PTPRE: variants seen among roughly 807,000 people sequenced by gnomAD.
PTPRE encodes protein tyrosine phosphatase receptor type E.
PTPRE carries 51 observed loss-of-function variants against 102.0 expected under a neutral mutation model. The ratio of observed to expected loss-of-function variants is 0.50; its 90% CI spans 0.40 to 0.63. The LOEUF (loss-of-function observed/expected upper bound fraction) is 0.63. Among genes scored for constraint, PTPRE ranks in the 30% least tolerant of loss-of-function variants. The pLI is 0.00. For missense variants in PTPRE, 752 were observed against 915.1 expected, an observed-to-expected ratio of 0.82 and a Z score of 2.30; for synonymous variants, 345 against 348.2, an observed-to-expected ratio of 0.99 and a Z score of 0.10.
intron 1 of PTPRE, among the ~76,000 whole-genome samples, chr10:127,972,521 G>A (rs1246061401): frequency 4.6e-5 from 7 of 152,168 alleles, no homozygotes; most frequent in African/African-American, 9.7e-5. Context: ...CCCCACCCAC[G>A]GCCAACCCCA....
rs189616733 is a variant in PTPRE at position 128,037,626 on chromosome 10, T to C, written c.-7-3249T>C. The stretch of plus-strand genomic sequence containing the variant: ...CAGATGGAATAAAAAGACAGATTTA[T>C]AATGAAGTAGATAGCAGGTTGACTG... On this transcript the variant is annotated intron_variant, in intron 2 of 20. Coordinates refer to ENST00000254667, the MANE Select transcript of PTPRE (RefSeq NM_006504.6). 2.1e-3 allele frequency among the ~76,000 whole-genome samples: 319 copies of C among 152,328 alleles called. 2 individuals are homozygous for C. The highest frequency in any genetic ancestry group is 7.2e-3 in the African/African-American group (298 of 41,570).
intron 1 of PTPRE, among the ~76,000 whole-genome samples, chr10:127,930,999 G>C (rs933806438): frequency 6.6e-6 from 1 of 152,114 alleles, no homozygotes; most frequent in East Asian, 1.9e-4. Flanking sequence ...CGCCATGTTG[G>C]TCAGGATGGT....
At chr10:128,082,195 C>CTTTTTTTTTTTTTTTTTTTTTTTT (rs35709074) in intron 20 of PTPRE, among the ~76,000 whole-genome samples, 1 of 89,036 alleles carries the variant, frequency 1.1e-5, no homozygotes. Context: ...TTTTCTCTTT[C>CTTTTTTTTTTTTTTTTTTTTTTTT]TTTTTTTTTT....
At chr10:128,027,276 G>C (rs1034706407) in intron 2 of PTPRE, among the ~76,000 whole-genome samples, 3 of 152,200 alleles carry the variant, frequency 2.0e-5, no homozygotes, top group Non-Finnish European at 2.9e-5. Context: ...TGCAGTGAGA[G>C]GCCTGATGGA....
At chr10:127,963,337 C>CA (rs765106824) in intron 1 of PTPRE, among the ~76,000 whole-genome samples, 1 of 152,194 alleles carries the variant, frequency 6.6e-6, no homozygotes, top group East Asian at 1.9e-4. Flanking sequence ...CCACTCCCTA[C>CA]AGGATGCCTT....
intron 1 of PTPRE, among the ~76,000 whole-genome samples, chr10:127,915,334 AAGC>A (rs1158516587): frequency 2.0e-5 from 3 of 152,180 alleles, no homozygotes; most frequent in Non-Finnish European, 4.4e-5. Flanking sequence ...CTCTTTCTGA[AAGC>A]AACCTTAGTT....
chr10:128,063,140 C>CGA lies in PTPRE; in HGVS notation c.684_685dup (p.Thr229ArgfsTer6), dbSNP rs1564948199. ...AGAATGGTCTGGGAGCAAAAGTCTG[C>CGA]GACCATCGTCATGTTAACAAACTTG... On this transcript the variant is annotated frameshift_variant, in exon 10 of 21. Transcript: ENST00000254667. LOFTEE classifies it high-confidence loss of function. 6.2e-7 allele frequency: 1 copy of CGA among 1,614,206 alleles called. No individual in the cohort carries two copies. The highest frequency in any genetic ancestry group is 1.3e-5 in the African/African-American group (1 of 75,060).
chr10:128,044,194 G>A (rs1056393257), intron 3 of PTPRE, among the ~76,000 whole-genome samples: 1 of 152,210 alleles, frequency 6.6e-6, no homozygotes, highest in Non-Finnish European at 1.5e-5. Flanking sequence ...GAAAATTTTA[G>A]GCCGGAGTGA....
At chr10:128,067,605 T>C (rs1850374271) in intron 11 of PTPRE, among the ~76,000 whole-genome samples, 1 of 152,238 alleles carries the variant, frequency 6.6e-6, no homozygotes, top group South Asian at 2.1e-4. Flanking sequence ...TTCCGTGATC[T>C]GGGCAAGGGA....
chr10:128,000,105 A>C (rs902195056), intron 2 of PTPRE: 1 of 492,138 alleles, frequency 2.0e-6, no homozygotes, highest in Non-Finnish European at 2.6e-6. Context: ...TTGATAATTT[A>C]GGAATGTCAC....
Position 128,031,344 on chromosome 10 carries a change from TC to T in PTPRE, c.-7-9529del, listed in dbSNP as rs367648049. 6.0e-3 allele frequency among the ~76,000 whole-genome samples: 912 copies of T among 152,178 alleles called. 16 individuals carry two copies. The highest frequency in any genetic ancestry group is 0.021 in the African/African-American group (879 of 41,530). ...GTCAGCCACACCCCTGAGCGGAGGC[TC>T]CGTGGAGGGGCTGCAGGCCTCAGCT... On this transcript the variant is annotated intron_variant, in intron 2 of 20. Coordinates refer to ENST00000254667, the MANE Select transcript of PTPRE (RefSeq NM_006504.6).
At chr10:128,019,006 TG>T (rs1845651167) in intron 2 of PTPRE, among the ~76,000 whole-genome samples, 2 of 152,222 alleles carry the variant, frequency 1.3e-5, no homozygotes, top group South Asian at 4.1e-4. Flanking sequence ...AGGACTCCAG[TG>T]GGTCAGGAGC....
chr10:127,921,403 C>G (rs1485083099), intron 1 of PTPRE, among the ~76,000 whole-genome samples: 2 of 152,176 alleles, frequency 1.3e-5, no homozygotes, highest in Non-Finnish European at 2.9e-5. Flanking sequence ...GCAGGGGCCA[C>G]ACGGCTGCTG....
intron 2 of PTPRE, among the ~76,000 whole-genome samples, chr10:128,027,372 A>G (rs1692884165): frequency 6.6e-6 from 1 of 152,104 alleles, no homozygotes; most frequent in Non-Finnish European, 1.5e-5. Context: ...AGGGATGCCT[A>G]GCACCCCAGA....
chr10:128,064,720 G>A (rs908257773), intron 10 of PTPRE, among the ~76,000 whole-genome samples: 1 of 152,222 alleles, frequency 6.6e-6, no homozygotes, highest in African/African-American at 2.4e-5. Flanking sequence ...TTCCACTCCT[G>A]TGACTCAGTG....
chr10:128,032,941 A>G (rs1203864542), intron 2 of PTPRE, among the ~76,000 whole-genome samples: 1 of 152,256 alleles, frequency 6.6e-6, no homozygotes, highest in Non-Finnish European at 1.5e-5. Flanking sequence ...AGGAATAATT[A>G]GAAAAGGCAT....
chr10:128,080,898 G>C (rs1300201408), intron 20 of PTPRE, among the ~76,000 whole-genome samples: 1 of 152,208 alleles, frequency 6.6e-6, no homozygotes, highest in African/African-American at 2.4e-5. Flanking sequence ...ATCAGGCGTT[G>C]GGCGCAGTGC....
At chr10:128,069,378 C>A in intron 12 of PTPRE, 1 of 270,988 alleles carries the variant, frequency 3.7e-6, no homozygotes, top group African/African-American at 2.3e-5. Flanking sequence ...ATCTAGGATG[C>A]CAATCACACA....
At chr10:128,039,911 A>C (rs935679911) in intron 2 of PTPRE, among the ~76,000 whole-genome samples, 15 of 152,226 alleles carry the variant, frequency 9.9e-5, no homozygotes, top group Non-Finnish European at 1.5e-5. Flanking sequence ...AGCACCAAGC[A>C]GTCACTGCCA....
Sources: gnomAD v4.1 joint callset for allele counts (sites outside exome capture counted in the v4.1 genomes callset) on GRCh38, gnomAD v4.1.1 for gene constraint, MANE v1.5 for transcripts, NCBI Gene and HGNC (gene_info 2026-07-23, HGNC 2026-07-21) for gene names.